The following DRGX variants were observed in gnomAD, a reference collection of about 807,000 sequenced individuals.
DRGX encodes dorsal root ganglia homeobox protein.
In DRGX, 21 loss-of-function variants were observed where a neutral mutation model predicts 28.6. That is an observed-to-expected ratio of 0.73 (90% CI 0.52 to 1.06). DRGX has a LOEUF of 1.06. Among genes scored for constraint, DRGX ranks in the 50% least tolerant of loss-of-function variants. The pLI, the probability that DRGX is intolerant of heterozygous loss-of-function variation, is 0.00. For synonymous variants in DRGX, 136 were observed against 139.1 expected, an observed-to-expected ratio of 0.98 and a Z score of 0.16; for missense variants, 354 against 343.9, an observed-to-expected ratio of 1.03 and a Z score of -0.23.
intron 6 of DRGX, among the ~76,000 whole-genome samples, chr10:49,386,103 G>A (rs1429217428): frequency 6.6e-6 from 1 of 152,046 alleles, no homozygotes; most frequent in African/African-American, 2.4e-5. Context: ...TCGCATGCAT[G>A]GAGAGGGAGC....
At chr10:49,395,614 T>TC in intron 1 of DRGX, 93 bp from the exon 2 acceptor site, 1 of 739,414 alleles carries the variant, frequency 1.4e-6, no homozygotes, top group Non-Finnish European at 2.3e-6. Flanking sequence ...TCCTGGAAAG[T>TC]CCCTCCCAAC....
At chr10:49,388,042 C>T (rs541101263) in intron 4 of DRGX, among the ~76,000 whole-genome samples, 18 of 152,204 alleles carry the variant, frequency 1.2e-4, no homozygotes, top group Admixed American at 2.0e-4. Context: ...TCAGTAAACA[C>T]GTACTCATGT....
intron 6 of DRGX, among the ~76,000 whole-genome samples, chr10:49,374,933 A>G (rs919608606): frequency 5.3e-5 from 8 of 152,244 alleles, no homozygotes; most frequent in African/African-American, 1.7e-4. Context: ...CGCAAACAGC[A>G]TAGTTCACTT....
At position 49,395,486 on chromosome 10, in the gene DRGX, C is replaced by T. The variant is rs1243309813; in HGVS notation, c.-46G>A. On this transcript the variant is annotated 5_prime_UTR_variant, in exon 2 of 7. Coordinates refer to ENST00000374139, the MANE Select transcript of DRGX (RefSeq NM_001276451.2). The stretch of plus-strand genomic sequence containing the variant: ...GGACGGCCGAGACCTGGGAGGGTGG[C>T]AGCAGAACGGACCCGCGCGCGTTGC... 1.0e-5 allele frequency: 16 copies of T among 1,547,748 alleles called. No homozygotes were observed. Among genetic ancestry groups the T allele is most frequent in the Non-Finnish European group, 1.3e-5 (15 of 1,145,766 alleles).
intron 2 of DRGX, among the ~76,000 whole-genome samples, chr10:49,394,413 C>T (rs1564710830): frequency 6.6e-6 from 1 of 152,202 alleles, no homozygotes; most frequent in Non-Finnish European, 1.5e-5. Flanking sequence ...CCCACAACTA[C>T]TTGGCTTCCC....
chr10:49,392,653 C>T (rs1849923142), intron 2 of DRGX, among the ~76,000 whole-genome samples: 1 of 152,172 alleles, frequency 6.6e-6, no homozygotes, highest in African/African-American at 2.4e-5. Context: ...CCCAAAGTGG[C>T]TCACAATGTG....
chr10:49,395,311 G>T, intron 2 of DRGX, 96 bp downstream of exon 2: 1 of 1,481,314 alleles, frequency 6.8e-7, no homozygotes, highest in Admixed American at 2.0e-5. Context: ...CCCCCCGCAG[G>T]GCGGGGACCC....
rs764665485 is a variant in DRGX, at chr10:49,366,154, G to A, written c.754C>T (p.Pro252Ser). Residue 252 changes from proline to serine, a missense_variant, in exon 7 of 7, where the codon CCC (proline) becomes TCC (serine). By Grantham distance (74) the Pro-to-Ser change is moderately conservative. Coordinates refer to ENST00000374139, the MANE Select transcript of DRGX (RefSeq NM_001276451.2). The part of the protein sequence containing the change: ...PPDGSQEKTS[P>S]TKEQSEAEKS... The stretch of plus-strand genomic sequence containing the variant: ...TCTGCCTCGCTCTGTTCCTTGGTGG[G>A]AGAGGTCTTTTCCTGGCTGCCATCT... The A allele has an allele frequency of 6.2e-7, 1 of 1,610,044 alleles. No homozygotes were observed. Among genetic ancestry groups the A allele is most frequent in the African/African-American group, 1.3e-5 (1 of 74,910 alleles).
intron 6 of DRGX, among the ~76,000 whole-genome samples, chr10:49,375,942 G>T (rs1044557289): frequency 7.2e-5 from 11 of 152,114 alleles, no homozygotes; most frequent in African/African-American, 2.7e-4. Context: ...GTGCACTCCA[G>T]GGCCCCATTG....
At chr10:49,394,719 G>A (rs540020039) in intron 2 of DRGX, among the ~76,000 whole-genome samples, 2 of 152,326 alleles carry the variant, frequency 1.3e-5, no homozygotes, top group Admixed American at 1.3e-4. Flanking sequence ...GGGATCCTGA[G>A]GGGAAATTTC....
chr10:49,393,730 A>G (rs561997098), intron 2 of DRGX, among the ~76,000 whole-genome samples: 2 of 152,364 alleles, frequency 1.3e-5, no homozygotes, highest in South Asian at 4.1e-4. Context: ...AATCACATCT[A>G]CAAAGGGATG....
chr10:49,365,712 C>A lies in DRGX; in HGVS notation c.*404G>T. 2 of 162,066 alleles carry A rather than the reference C, an allele frequency of 1.2e-5. No individual in the cohort carries two copies. The highest frequency in any genetic ancestry group is 2.7e-5 in the Non-Finnish European group (2 of 75,080). The allele number at this position is 162,066 out of a possible 1,614,324, so 10.0% of individuals were successfully genotyped here. ...TAAGCGGGACAGGCCCTTTTCTTTT[C>A]ATGAAACTTCAGCCCATGCCACAGT... On this transcript the variant is annotated 3_prime_UTR_variant, in exon 7 of 7. Transcript: ENST00000374139.
At chr10:49,369,305 T>A (rs1421749928) in intron 6 of DRGX, among the ~76,000 whole-genome samples, 1 of 152,124 alleles carries the variant, frequency 6.6e-6, no homozygotes, top group African/African-American at 2.4e-5. Flanking sequence ...GCTCACCCCC[T>A]ACACACATAC....
chr10:49,370,983 C>T (rs114501792), intron 6 of DRGX, among the ~76,000 whole-genome samples: 5 of 152,316 alleles, frequency 3.3e-5, no homozygotes, highest in Non-Finnish European at 7.3e-5. Context: ...GTCTCCCATC[C>T]ACAGACACCT....
chr10:49,390,077 A>G (rs1184885099), intron 4 of DRGX, 56 bp downstream of exon 4: 2 of 1,524,590 alleles, frequency 1.3e-6, no homozygotes, highest in Admixed American at 4.3e-5. Flanking sequence ...ATGATGTCAA[A>G]AAAAAGTTTG....
At position 49,394,888 on chromosome 10, in the gene DRGX, G is replaced by T. The variant is rs1000113564; in HGVS notation, c.34+519C>A. Among the ~76,000 whole-genome samples, 9 of 152,334 alleles carry T rather than the reference G, an allele frequency of 5.9e-5. No individual in the cohort carries two copies. The South Asian group carries it at 1.7e-3, about 28-fold the overall frequency. The stretch of plus-strand genomic sequence containing the variant: ...TGGTTCCAGGGACGGCCAGGAGGCC[G>T]GGAAGGGAATTGAGCTGCCCAGAAT... On this transcript the variant is annotated intron_variant, in intron 2 of 6. Coordinates refer to ENST00000374139, the MANE Select transcript of DRGX (RefSeq NM_001276451.2).
At chr10:49,373,337 A>T (rs1191390764) in intron 6 of DRGX, among the ~76,000 whole-genome samples, 1 of 152,238 alleles carries the variant, frequency 6.6e-6, no homozygotes, top group African/African-American at 2.4e-5. Context: ...AAAATAGGTA[A>T]AAGAGCAGTA....
chr10:49,391,299 G>A (rs750042130), intron 2 of DRGX, 38 bp from the exon 3 acceptor site: 1 of 1,583,354 alleles, frequency 6.3e-7, no homozygotes, highest in Non-Finnish European at 8.6e-7. Flanking sequence ...GCAGGAAGGG[G>A]CCCCAGTCCT....
chr10:49,376,500 A>G (rs995767176), intron 6 of DRGX, among the ~76,000 whole-genome samples: 4 of 152,178 alleles, frequency 2.6e-5, no homozygotes, highest in Non-Finnish European at 5.9e-5. Flanking sequence ...ATGGGAGAGT[A>G]AATGCTTGCA....
Sources: allele counts gnomAD v4.1 joint callset (sites outside exome capture counted in the v4.1 genomes callset), GRCh38; gene constraint gnomAD v4.1.1; transcripts MANE v1.5; gene names NCBI Gene and HGNC (gene_info 2026-07-23, HGNC 2026-07-21).